Variants in HSD17B3 observed in about 807,000 individuals in gnomAD.
HSD17B3 encodes the protein hydroxysteroid 17-beta dehydrogenase 3, also known as 17-beta-hydroxysteroid dehydrogenase type 3.
HSD17B3 carries 29 observed loss-of-function variants against 41.1 expected under a neutral mutation model. The ratio of observed to expected loss-of-function variants is 0.71; its 90% CI spans 0.53 to 0.96. The LOEUF (loss-of-function observed/expected upper bound fraction) is 0.96, where lower values mean the gene tolerates loss of function less well. HSD17B3 is among the 40% of genes least tolerant of loss of function. The pLI, the probability that HSD17B3 is intolerant of heterozygous loss-of-function variation, is 0.00. For missense variants in HSD17B3, 323 were observed against 374.6 expected (o/e 0.86, Z 1.14); for synonymous variants, 126 against 145.6 (o/e 0.87, Z 0.97).
chr9:96,265,826 T>A (rs1826026880), intron 2 of HSD17B3, among the ~76,000 whole-genome samples: 1 of 152,246 alleles, frequency 6.6e-6, no homozygotes, highest in East Asian at 1.9e-4. Context: ...CCCATCAGAG[T>A]GGGAGATTTC....
intron 2 of HSD17B3, among the ~76,000 whole-genome samples, chr9:96,293,639 G>A (rs1452538471): frequency 6.8e-6 from 1 of 148,110 alleles, no homozygotes; most frequent in Non-Finnish European, 1.5e-5. Context: ...CTGTCTCTAT[G>A]TGTCTGTGTG....
At chr9:96,249,633 A>T in intron 6 of HSD17B3, 118 bp downstream of exon 6, 1 of 891,116 alleles carries the variant, frequency 1.1e-6, no homozygotes. Flanking sequence ...CCTCTCAACT[A>T]AGTGTGGTTC....
chr9:96,264,719 G>A (rs1825990779), intron 2 of HSD17B3, among the ~76,000 whole-genome samples: 1 of 152,138 alleles, frequency 6.6e-6, no homozygotes, highest in South Asian at 2.1e-4. Context: ...TTTGATGGAA[G>A]TAGTATATAT....
intron 9 of HSD17B3, among the ~76,000 whole-genome samples, chr9:96,243,494 G>T (rs2130710382): frequency 6.6e-6 from 1 of 152,274 alleles, no homozygotes; most frequent in African/African-American, 2.4e-5. Context: ...ACTCTCACTG[G>T]ATATTTTAAT....
chr9:96,283,594 T>TAG (rs1294344078), intron 2 of HSD17B3, among the ~76,000 whole-genome samples: 2 of 152,166 alleles, frequency 1.3e-5, no homozygotes, highest in Non-Finnish European at 2.9e-5. Flanking sequence ...CTGATATGAC[T>TAG]TACTGTATGT....
intron 9 of HSD17B3, among the ~76,000 whole-genome samples, chr9:96,243,638 C>T (rs1255368671): frequency 6.6e-6 from 1 of 152,204 alleles, no homozygotes; most frequent in Non-Finnish European, 1.5e-5. Context: ...GTTTATTCTA[C>T]GTTCCAGAAA....
intron 2 of HSD17B3, among the ~76,000 whole-genome samples, chr9:96,279,801 G>A (rs1398761312): frequency 6.6e-6 from 1 of 150,490 alleles, no homozygotes; most frequent in Non-Finnish European, 1.5e-5. Context: ...ATGGAGTCTC[G>A]CTCTGTCACC....
chr9:96,251,169 T>A (rs1836886918), intron 5 of HSD17B3: 1 of 573,160 alleles, frequency 1.7e-6, no homozygotes. Context: ...CATAGGACAA[T>A]GGACAGGTAA....
intron 2 of HSD17B3, among the ~76,000 whole-genome samples, chr9:96,258,416 A>G (rs1356550094): frequency 6.6e-6 from 1 of 152,116 alleles, no homozygotes; most frequent in Non-Finnish European, 1.5e-5. Context: ...CTCAATTCTC[A>G]TGTGTGCCTG....
At chr9:96,248,297 G>C (rs1470788209) in intron 6 of HSD17B3, among the ~76,000 whole-genome samples, 1 of 152,198 alleles carries the variant, frequency 6.6e-6, no homozygotes, top group Non-Finnish European at 1.5e-5. Flanking sequence ...ATACCAGCAT[G>C]CTTATAGAAA....
chr9:96,258,964 A>C (rs564111407), intron 2 of HSD17B3, among the ~76,000 whole-genome samples: 1 of 152,354 alleles, frequency 6.6e-6, no homozygotes, highest in East Asian at 1.9e-4. Context: ...GAACCCATTC[A>C]GGACCCAAAG....
intron 2 of HSD17B3, among the ~76,000 whole-genome samples, chr9:96,275,339 A>G (rs1208602016): frequency 6.6e-6 from 1 of 152,208 alleles, no homozygotes; most frequent in Non-Finnish European, 1.5e-5. Flanking sequence ...ATAATATAAT[A>G]GTTGTAATGA....
At chr9:96,241,276 T>A (rs1212355532) in intron 9 of HSD17B3, among the ~76,000 whole-genome samples, 1 of 152,196 alleles carries the variant, frequency 6.6e-6, no homozygotes, top group Non-Finnish European at 1.5e-5. Flanking sequence ...CACAATCGTA[T>A]CCCAAGTATT....
chr9:96,281,951 T>C (rs983225461), intron 2 of HSD17B3, among the ~76,000 whole-genome samples: 6 of 152,208 alleles, frequency 3.9e-5, no homozygotes, highest in Non-Finnish European at 2.9e-5. Flanking sequence ...TGTAAAGTTT[T>C]GATTAATGGG....
At chr9:96,260,689 CAGGA>C (rs902181364) in intron 2 of HSD17B3, among the ~76,000 whole-genome samples, 2 of 152,052 alleles carry the variant, frequency 1.3e-5, no homozygotes, top group African/African-American at 4.8e-5. Flanking sequence ...CGCTTGAATC[CAGGA>C]AGTGGAGGTT....
chr9:96,257,076 G>GTGC (rs1402591682), intron 2 of HSD17B3, among the ~76,000 whole-genome samples: 1 of 152,084 alleles, frequency 6.6e-6, no homozygotes, highest in African/African-American at 2.4e-5. Context: ...CGCCACGTTT[G>GTGC]TAAGTTTCCT....
At chr9:96,274,043 CATA>C (rs1218036195) in intron 2 of HSD17B3, among the ~76,000 whole-genome samples, 1 of 152,214 alleles carries the variant, frequency 6.6e-6, no homozygotes, top group Non-Finnish European at 1.5e-5. Flanking sequence ...ACTAAAGGAA[CATA>C]ATAAATTTCC....
chr9:96,271,598 G>T (rs946551973), intron 2 of HSD17B3, among the ~76,000 whole-genome samples: 3 of 152,154 alleles, frequency 2.0e-5, no homozygotes, highest in Non-Finnish European at 4.4e-5. Context: ...AGTCAAAGCA[G>T]ATATGTGTTA....
chr9:96,296,250 A>G lies in HSD17B3; in HGVS notation c.201+2166T>C, dbSNP rs1827354002. ...AACAGAGCAAGAACCTGTCTCCAAA[A>G]AGTAAAAGAAGAAGAAACATCAGAG... On this transcript the variant is annotated intron_variant, in intron 2 of 10. Transcript: ENST00000375263. Among the ~76,000 whole-genome samples, 3 of 126,060 alleles carry G rather than the reference A, an allele frequency of 2.4e-5. No homozygotes were observed. The South Asian group carries it at 7.0e-4, about 29-fold the overall frequency. 82.7% of individuals were successfully genotyped at this position (126,060 alleles called of 152,430 possible).
Sources: allele counts gnomAD v4.1 joint callset (sites outside exome capture counted in the v4.1 genomes callset), GRCh38; gene constraint gnomAD v4.1.1; transcripts MANE v1.5; gene names NCBI Gene and HGNC (gene_info 2026-07-23, HGNC 2026-07-21).